Variants in MLLT10 observed in about 807,000 individuals in gnomAD.
MLLT10 encodes the protein protein AF-10.
In MLLT10, 30 loss-of-function variants were observed where a neutral mutation model predicts 129.1. That is an observed-to-expected ratio of 0.23 (90% CI 0.17 to 0.32). The LOEUF is 0.32. MLLT10 is among the 10% of genes least tolerant of loss of function. The pLI, the probability that MLLT10 is intolerant of heterozygous loss-of-function variation, is 1.00. For synonymous variants in MLLT10, 490 were observed against 446.4 expected (o/e 1.10, Z -1.23); for missense variants, 1,119 against 1,268.3 (o/e 0.88, Z 1.79).
intron 3 of MLLT10, chr10:21,551,800 C>CTCT: frequency 2.9e-6 from 1 of 346,794 alleles, no homozygotes; most frequent in South Asian, 2.1e-5. Flanking sequence ...GTCTCTCTCT[C>CTCT]TTTTTTTTTT....
chr10:21,534,457 A>T lies in MLLT10; in HGVS notation c.-64A>T, dbSNP rs924312817. ...GAGGCGGTGGAGGGGAGGTGGGGGG[A>T]ATCAGCAAGGACATGGCTCCTGACT... On this transcript the variant is annotated 5_prime_UTR_variant, in exon 1 of 23. Coordinates refer to ENST00000307729, the MANE Select transcript of MLLT10 (RefSeq NM_001195626.3). The T allele has an allele frequency of 2.0e-6, 1 of 509,488 alleles. No homozygotes were observed. Among genetic ancestry groups the T allele is most frequent in the African/African-American group, 2.0e-5 (1 of 50,292 alleles). The allele number at this position is 509,488 out of a possible 1,614,324, so 31.6% of individuals were successfully genotyped here.
chr10:21,654,205 A>T (rs2049329903), intron 9 of MLLT10, among the ~76,000 whole-genome samples: 1 of 152,218 alleles, frequency 6.6e-6, no homozygotes, highest in Admixed American at 6.5e-5. Flanking sequence ...GAAAAGTCAG[A>T]CAGTGTGTGT....
chr10:21,605,129 C>T (rs1046107904), intron 5 of MLLT10, among the ~76,000 whole-genome samples: 1 of 151,172 alleles, frequency 6.6e-6, no homozygotes, highest in Non-Finnish European at 1.5e-5. Flanking sequence ...ATTTATTTAA[C>T]ATCTTGGCTT....
At chr10:21,638,718 T>C (rs137913119) in intron 8 of MLLT10, among the ~76,000 whole-genome samples, 113 of 152,276 alleles carry the variant, frequency 7.4e-4, no homozygotes, top group South Asian at 2.5e-3. Flanking sequence ...GATGACTACA[T>C]GTGGCCATTG....
chr10:21,552,875 T>G (rs1304515538), intron 3 of MLLT10, among the ~76,000 whole-genome samples: 1 of 151,988 alleles, frequency 6.6e-6, no homozygotes, highest in Non-Finnish European at 1.5e-5. Flanking sequence ...TCCTCCTCCC[T>G]CTTTCTTCTC....
intron 14 of MLLT10, among the ~76,000 whole-genome samples, chr10:21,717,570 TTCC>T (rs1297484603): frequency 3.3e-5 from 4 of 122,562 alleles, no homozygotes; most frequent in African/African-American, 9.2e-5. Context: ...TTTCTTCCTC[TTCC>T]TCTTCTTTCT....
chr10:21,676,782 G>C (rs1477834753), intron 11 of MLLT10, among the ~76,000 whole-genome samples: 1 of 127,938 alleles, frequency 7.8e-6, no homozygotes, highest in Non-Finnish European at 1.6e-5. Context: ...TTTATGTCTT[G>C]TTAAAGCTAT....
At chr10:21,612,235 A>G in intron 5 of MLLT10, 113 bp from the exon 6 acceptor site, 1 of 560,574 alleles carries the variant, frequency 1.8e-6, no homozygotes, top group South Asian at 2.8e-5. Context: ...TCATATTTTG[A>G]GTTAAGATAG....
chr10:21,718,880 C>T (rs1366256915), intron 14 of MLLT10, among the ~76,000 whole-genome samples: 7 of 152,158 alleles, frequency 4.6e-5, no homozygotes, highest in South Asian at 4.1e-4. Flanking sequence ...TGCACCACCA[C>T]GCCTGGCTAA....
rs548669408 is a variant in MLLT10, at chr10:21,703,972, A to G, written c.1700-9800A>G. On this transcript the variant is annotated intron_variant, in intron 13 of 22. Transcript: ENST00000307729. ...GAATTTCTTCTGCTTGATCTAGTCTATTGTTGAAACTTCTGAATACATTTT... is the reference window on the plus strand; with the variant it reads ...GAATTTCTTCTGCTTGATCTAGTCTGTTGTTGAAACTTCTGAATACATTTT... Among the ~76,000 whole-genome samples, 24 of 100,274 alleles carry G rather than the reference A, an allele frequency of 2.4e-4. No individual in the cohort carries two copies. In the East Asian group the frequency reaches 3.6e-3, roughly 15 times the overall value. The allele number at this position is 100,274 out of a possible 152,430, so 65.8% of individuals were successfully genotyped here.
intron 11 of MLLT10, among the ~76,000 whole-genome samples, chr10:21,676,417 C>CAAAAAAAAAAAAAAAAAAAAAAAA: frequency 1.5e-5 from 2 of 129,612 alleles, no homozygotes; most frequent in South Asian, 2.5e-4. Context: ...GACTCCGTCT[C>CAAAAAAAAAAAAAAAAAAAAAAAA]AAAAAAAAAA....
intron 8 of MLLT10, chr10:21,625,744 C>T: frequency 1.3e-6 from 1 of 768,602 alleles, no homozygotes; most frequent in South Asian, 1.3e-5. Context: ...ATGTTGTTTA[C>T]CAGGGCGAAT....
intron 7 of MLLT10, among the ~76,000 whole-genome samples, chr10:21,616,546 G>A (rs920051528): frequency 3.3e-5 from 5 of 152,012 alleles, no homozygotes; most frequent in African/African-American, 1.2e-4. Flanking sequence ...GTAATGCTTT[G>A]AAAAGTGCAT....
intron 17 of MLLT10, 52 bp downstream of exon 17, chr10:21,731,106 A>G: frequency 6.6e-7 from 1 of 1,524,918 alleles, no homozygotes; most frequent in South Asian, 1.3e-5. Context: ...CAGATGGACA[A>G]ACAGGCAGAT....
intron 9 of MLLT10, among the ~76,000 whole-genome samples, chr10:21,659,181 G>A (rs1278364393): frequency 6.6e-6 from 1 of 151,522 alleles, no homozygotes; most frequent in Non-Finnish European, 1.5e-5. Flanking sequence ...CTTTTGAAGA[G>A]CAGACATTCT....
chr10:21,704,353 CTCTCTATATA>C (rs1233712269), intron 13 of MLLT10, among the ~76,000 whole-genome samples: 285 of 64,514 alleles, frequency 4.4e-3, no homozygotes, highest in South Asian at 0.018. Flanking sequence ...CTCTCTCTCT[CTCTCTATATA>C]TATATATATA....
intron 4 of MLLT10, among the ~76,000 whole-genome samples, chr10:21,589,324 GTTT>G (rs201960289): frequency 7.5e-6 from 1 of 133,678 alleles, no homozygotes; most frequent in African/African-American, 2.7e-5. Context: ...CTATTCCAAA[GTTT>G]TTTTTTTTTT....
chr10:21,548,095 A>C (rs2130934201), intron 3 of MLLT10, among the ~76,000 whole-genome samples: 1 of 152,094 alleles, frequency 6.6e-6, no homozygotes, highest in East Asian at 1.9e-4. Context: ...ATCCTTTGAT[A>C]ATAGCTATTT....
chr10:21,732,316 C>T (rs989243551), intron 17 of MLLT10, among the ~76,000 whole-genome samples: 66 of 152,280 alleles, frequency 4.3e-4, no homozygotes, highest in African/African-American at 1.5e-3. Context: ...ACAGGGGATG[C>T]GCCTTTCTCC....
Sources: allele counts gnomAD v4.1 joint callset (sites outside exome capture counted in the v4.1 genomes callset), GRCh38; gene constraint gnomAD v4.1.1; transcripts MANE v1.5; gene names NCBI Gene and HGNC (gene_info 2026-07-23, HGNC 2026-07-21).